MORC4: variants seen among roughly 807,000 people sequenced by gnomAD.
MORC4 encodes MORC family CW-type zinc finger 4.
Under a neutral mutation model 65.5 loss-of-function variants are expected in MORC4, and 22 were observed. The ratio of observed to expected loss-of-function variants is 0.34; its 90% CI spans 0.24 to 0.48. The LOEUF (loss-of-function observed/expected upper bound fraction) is 0.48, where lower values mean the gene tolerates loss of function less well. Among genes scored for constraint, MORC4 ranks in the 20% least tolerant of loss-of-function variants. The pLI, the probability that MORC4 is intolerant of heterozygous loss-of-function variation, is 0.99. For missense variants in MORC4, 624 were observed against 703.0 expected (o/e 0.89, Z 1.27); for synonymous variants, 267 against 255.8 (o/e 1.04, Z -0.42).
At position 106,985,184 on chromosome X, in the gene MORC4, T is replaced by C. The variant is rs762257593; in HGVS notation, c.586A>G (p.Ile196Val). The change falls in exon 5 of 17, where the codon ATT (isoleucine) becomes GTT (valine). Residue 196 changes from isoleucine (I) to valine (V), a missense_variant. Transcript: ENST00000355610. The stretch of plus-strand genomic sequence containing the variant: ...AGCAGGTCATTTTCACGGTTGAAAA[T>C]GGAATAGTTCAAGATGGCTTCTAGG... ...PSLEAILNYS[I>V]FNRENDLLAQ... 3.3e-6 allele frequency: 4 copies of C among 1,203,916 alleles called. No individual in the cohort carries two copies. In the Admixed American group the frequency reaches 6.6e-5, roughly 20 times the overall value.
Position 107,000,007 on chromosome X carries a change from AC to A in MORC4, c.-39del. On this transcript the variant is annotated 5_prime_UTR_variant, in exon 1 of 17. Transcript: ENST00000355610. ...CACGGTACCCGTCTGCTGCCGCCGG[AC>A]CCCTGGCCCGGCGGTCCGGGACTAG... The A allele has an allele frequency of 1.5e-6, 1 of 667,141 alleles. No individual in the cohort carries two copies. The highest frequency in any genetic ancestry group is 5.0e-5 in the Admixed American group (1 of 19,923). The allele number at this position is 667,141 out of a possible 1,213,427, so 55.0% of individuals were successfully genotyped here. A position where few individuals can be genotyped will look rare whatever the true frequency, so the allele number is the denominator to read the frequency against.
chrX:106,959,053 C>T (rs1187474889), intron 10 of MORC4, among the ~76,000 whole-genome samples: 2 of 111,744 alleles, frequency 1.8e-5, no homozygotes, highest in African/African-American at 6.5e-5. Context: ...TATAATACTT[C>T]AATCAAAATT....
intron 3 of MORC4, among the ~76,000 whole-genome samples, chrX:106,989,799 G>A (rs192687186): frequency 1.9e-5 from 2 of 105,343 alleles, no homozygotes; most frequent in South Asian, 4.5e-4. Context: ...TCCGGGAGGC[G>A]GAGGTTGCAG....
chrX:106,984,971 C>T lies in MORC4; in HGVS notation c.674+125G>A. 3 of 563,502 alleles carry T rather than the reference C, an allele frequency of 5.3e-6. No individual in the cohort carries two copies. In the Admixed American group the frequency reaches 1.3e-4, roughly 24 times the overall value. The allele number at this position is 563,502 out of a possible 1,213,427, so 46.4% of individuals were successfully genotyped here. A position where few individuals can be genotyped will look rare whatever the true frequency, so the allele number is the denominator to read the frequency against. On this transcript the variant is annotated intron_variant, in intron 5 of 16. Transcript: ENST00000355610. ...ATCACTTGAAGCCAGGTGTTCGAGA[C>T]CAGCCTGGGCAACATAATGAGACCC...
chrX:106,954,788 T>TTTA (rs1934063115), intron 14 of MORC4, 125 bp downstream of exon 14: 1 of 621,927 alleles, frequency 1.6e-6, no homozygotes, highest in African/African-American at 2.3e-5. Flanking sequence ...AAAATTGTGT[T>TTTA]TCTACTTCTG....
intron 14 of MORC4, among the ~76,000 whole-genome samples, chrX:106,948,396 A>T (rs1933899657): frequency 9.0e-6 from 1 of 111,461 alleles, no homozygotes; most frequent in African/African-American, 3.3e-5. Context: ...ACGATAAATC[A>T]ATATATATAT....
chrX:106,980,782 T>C (rs1934723515), intron 7 of MORC4, 109 bp downstream of exon 7: 10 of 720,931 alleles, frequency 1.4e-5, no homozygotes, highest in African/African-American at 4.3e-5. Flanking sequence ...TACTATGACA[T>C]ACACTTTTTA....
intron 9 of MORC4, among the ~76,000 whole-genome samples, chrX:106,970,108 AC>A (rs1198243641): frequency 8.9e-6 from 1 of 112,063 alleles, no homozygotes; most frequent in Non-Finnish European, 1.9e-5. Context: ...ATCCAGCAGC[AC>A]ATCAAAAAGC....
chrX:106,997,330 A>G (rs770971818), intron 2 of MORC4, among the ~76,000 whole-genome samples: 18 of 111,704 alleles, frequency 1.6e-4, no homozygotes, highest in Non-Finnish European at 3.2e-4. Flanking sequence ...ACCTCCTGTC[A>G]TATAAATCCG....
intron 2 of MORC4, among the ~76,000 whole-genome samples, chrX:106,995,457 CTT>C (rs1385331702): frequency 8.9e-6 from 1 of 111,948 alleles, no homozygotes; most frequent in Non-Finnish European, 1.9e-5. Context: ...CTACTTAGTA[CTT>C]GTTTAGTTTC....
intron 15 of MORC4, 41 bp from the exon 16 acceptor site, chrX:106,942,262 AGCACGCC>A (rs1602469486): frequency 2.6e-6 from 3 of 1,170,668 alleles, no homozygotes; most frequent in Admixed American, 2.4e-5. Context: ...CCCACAAAAG[AGCACGCC>A]AAAAACCGTT....
At chrX:106,969,485 A>G (rs186851971) in intron 9 of MORC4, among the ~76,000 whole-genome samples, 7,172 of 111,545 alleles carry the variant, frequency 0.064, 608 homozygotes, top group African/African-American at 0.22. Flanking sequence ...CAGAGCAGAA[A>G]TGAAGGAGAT....
intron 3 of MORC4, among the ~76,000 whole-genome samples, chrX:106,986,484 T>C (rs1934873502): frequency 8.9e-6 from 1 of 111,831 alleles, no homozygotes; most frequent in Non-Finnish European, 1.9e-5. Flanking sequence ...AGGGCCCCTT[T>C]TCACCAGCTA....
At chrX:106,959,999 T>C (rs1934195075) in intron 10 of MORC4, among the ~76,000 whole-genome samples, 3 of 112,540 alleles carry the variant, frequency 2.7e-5, no homozygotes, top group Non-Finnish European at 3.8e-5. Flanking sequence ...CAAAGAAAGT[T>C]TGTACACATT....
chrX:106,960,898 A>G (rs989369703), intron 10 of MORC4, among the ~76,000 whole-genome samples: 2 of 112,085 alleles, frequency 1.8e-5, no homozygotes, highest in African/African-American at 6.5e-5. Context: ...TTTGCCTAAT[A>G]ATTTCCATTA....
At chrX:106,999,776 G>A (rs1935145587) in intron 1 of MORC4, 27 bp from the exon 2 acceptor site, 3 of 1,046,733 alleles carry the variant, frequency 2.9e-6, no homozygotes, top group Non-Finnish European at 3.7e-6. Flanking sequence ...GTCCCGACCC[G>A]CGTGAGGCCT....
At chrX:106,961,482 A>G (rs990838425) in intron 10 of MORC4, among the ~76,000 whole-genome samples, 1 of 112,192 alleles carries the variant, frequency 8.9e-6, no homozygotes, top group Non-Finnish European at 1.9e-5. Flanking sequence ...GAAAAGCACC[A>G]TCTTACTGAG....
At chrX:106,983,857 CT>C (rs1303253305) in intron 5 of MORC4, among the ~76,000 whole-genome samples, 1 of 110,855 alleles carries the variant, frequency 9.0e-6, no homozygotes, top group Admixed American at 9.6e-5. Flanking sequence ...GATTTTTCTA[CT>C]TCTAACCCAG....
chrX:106,990,892 TA>T (rs910439969), intron 3 of MORC4, among the ~76,000 whole-genome samples: 3 of 108,540 alleles, frequency 2.8e-5, no homozygotes, highest in East Asian at 2.9e-4. Flanking sequence ...TTTTTTTAAT[TA>T]AAAAAAAAGG....
Sources: allele counts gnomAD v4.1 joint callset (sites outside exome capture counted in the v4.1 genomes callset), GRCh38; gene constraint gnomAD v4.1.1; transcripts MANE v1.5; gene names NCBI Gene and HGNC (gene_info 2026-07-23, HGNC 2026-07-21).